Variants in MYO7A observed in about 807,000 individuals in gnomAD.
MYO7A encodes the protein myosin VIIA.
Under a neutral mutation model 263.8 loss-of-function variants are expected in MYO7A, and 210 were observed. The observed-to-expected ratio is 0.80, with a 90% CI of 0.71 to 0.89. MYO7A has a LOEUF of 0.89. MYO7A is among the 40% of genes least tolerant of loss of function. MYO7A has a pLI of 0.00. For synonymous variants in MYO7A, 1,239 were observed against 1,197.3 expected (o/e 1.03, Z -0.72); for missense variants, 2,820 against 2,968.3 (o/e 0.95, Z 1.16).
At chr11:77,146,129 G>A (rs565080956) in intron 3 of MYO7A, among the ~76,000 whole-genome samples, 3 of 152,328 alleles carry the variant, frequency 2.0e-5, no homozygotes, top group South Asian at 4.1e-4. Flanking sequence ...GGAAACCTCC[G>A]AGCCAAGCCT....
At position 77,162,282 on chromosome 11, in the gene MYO7A, G is replaced by T. The variant is rs181126043; in HGVS notation, c.1506G>T (p.Lys502Asn). The T allele has an allele frequency of 3.2e-6, 5 of 1,553,198 alleles. No homozygotes were observed. The Admixed American group carries it at 9.8e-5, about 30-fold the overall frequency. Residue 502 changes from lysine to asparagine, a missense_variant, in exon 13 of 49, where the codon AAG (lysine) becomes AAT (asparagine). Coordinates refer to ENST00000409709, the MANE Select transcript of MYO7A (RefSeq NM_000260.4). ...NQDALDMIANKPMNIISLIDE... is the reference protein window; with the variant it reads ...NQDALDMIANNPMNIISLIDE... ...ATGCCCTGGACATGATTGCCAACAA[G>T]CCCATGAACATCATCTCCCTCATCG...
chr11:77,179,974 C>G (rs1555083040), intron 21 of MYO7A, 21 bp downstream of exon 21: 1 of 1,510,898 alleles, frequency 6.6e-7, no homozygotes, highest in East Asian at 2.5e-5. Flanking sequence ...AAGTCCATAG[C>G]ACCCACAGCT....
rs782126604 is a variant in MYO7A at position 77,130,626 on chromosome 11, C to T, written c.-9C>T. 11 of 1,613,158 alleles carry T rather than the reference C, an allele frequency of 6.8e-6. No individual in the cohort carries two copies. The highest frequency in any genetic ancestry group is 1.3e-5 in the African/African-American group (1 of 74,934). On this transcript the variant is annotated 5_prime_UTR_variant, in exon 2 of 49. Transcript: ENST00000409709. ...CCCAGTGGGCAGCAGGAGCTCCTGA[C>T]TTGGGACCATGGTGATTCTTCAGCA...
At chr11:77,173,032 C>T (rs141145563) in intron 16 of MYO7A, 147 bp downstream of exon 16, 21 of 1,245,734 alleles carry the variant, frequency 1.7e-5, no homozygotes, top group Middle Eastern at 4.7e-4. Flanking sequence ...CAAAACAAGG[C>T]CCCCTATTTA....
chr11:77,172,867 T>C lies in MYO7A; in HGVS notation c.1917T>C (p.Asn639=), dbSNP rs1954252148. ...QPFFVRCIKP[N]EFKKPMLFDR... ...TCTTTGTGCGATGCATCAAGCCCAATGAGTTCAAGAAGCCCATGGTGAGTG... is the reference window on the plus strand; with the variant it reads ...TCTTTGTGCGATGCATCAAGCCCAACGAGTTCAAGAAGCCCATGGTGAGTG... The change falls in exon 16 of 49, where the codon AAT becomes AAC. Residue 639 remains asparagine, a synonymous_variant. Coordinates refer to ENST00000409709, the MANE Select transcript of MYO7A (RefSeq NM_000260.4). The C allele has an allele frequency of 6.4e-7, 1 of 1,551,928 alleles. No homozygotes were observed.
chr11:77,128,941 T>TG (rs1417746231), intron 1 of MYO7A, among the ~76,000 whole-genome samples: 15 of 152,160 alleles, frequency 9.9e-5, no homozygotes, highest in African/African-American at 3.4e-4. Context: ...AGGGTTGTAG[T>TG]GGGGAAGAGG....
rs111033187 is a variant in MYO7A at position 77,156,011 on chromosome 11, GC to G, written c.397del (p.His133ThrfsTer13). On this transcript the variant is annotated frameshift_variant, in exon 5 of 49. Coordinates refer to ENST00000409709, the MANE Select transcript of MYO7A (RefSeq NM_000260.4). LOFTEE classifies it high-confidence loss of function. ...QYTNKKIGEM[P>X]PHIFAIADNC... ...ATACCAACAAGAAGATTGGGGAGAT[GC>G]CCCCCCACATCTTTGCCATTGCTGA... The G allele has an allele frequency of 6.2e-7, 1 of 1,613,574 alleles. No homozygotes were observed. The highest frequency in any genetic ancestry group is 8.5e-7 in the Non-Finnish European group (1 of 1,179,810).
In MYO7A at chr11:77,202,418, A is replaced by G. The variant is rs1174776498; in HGVS notation, c.5162A>G (p.Tyr1721Cys). Residue 1721 changes from tyrosine (Y) to cysteine (C), a missense_variant, in exon 37 of 49, where the codon TAC (tyrosine) becomes TGC (cysteine). By Grantham distance (194) the Tyr-to-Cys change is radical. Transcript: ENST00000409709. ...PYTLEEFSYD[Y>C]FRPPPKHTLS... ...ACGCTGGAGGAGTTTTCCTATGACT[A>G]CTTCAGGTGATGCCTCCTGGGGAAG... The G allele has an allele frequency of 5.2e-6, 8 of 1,551,160 alleles. No homozygotes were observed. The African/African-American group carries it at 5.5e-5, about 11-fold the overall frequency.
intron 17 of MYO7A, 99 bp from the exon 18 acceptor site, chr11:77,175,273 A>G (rs891156043): frequency 4.5e-6 from 5 of 1,108,378 alleles, no homozygotes; most frequent in African/African-American, 1.5e-5. Context: ...TCAGGGGCAG[A>G]GCTCGGGAAG....
intron 31 of MYO7A, among the ~76,000 whole-genome samples, chr11:77,192,893 T>C (rs1238754683): frequency 4.2e-5 from 6 of 142,192 alleles, no homozygotes; most frequent in East Asian, 4.2e-4. Flanking sequence ...GAGGAGGTAG[T>C]GATGGTGTTG....
In MYO7A at chr11:77,156,798, G is replaced by T; in HGVS notation, c.592+17G>T. 2 of 1,613,984 alleles carry T rather than the reference G, an allele frequency of 1.2e-6. No homozygotes were observed. The highest frequency in any genetic ancestry group is 1.7e-6 in the Non-Finnish European group (2 of 1,179,864). On this transcript the variant is annotated intron_variant, in intron 6 of 48. Transcript: ENST00000409709. ...TTCTGGAAGGTAGGACCAGAGTTCC[G>T]AGGGTGGGACCAGGCAGTGGGGCGG...
At chr11:77,192,930 T>TG (rs1956238497) in intron 31 of MYO7A, among the ~76,000 whole-genome samples, 6 of 4,820 alleles carry the variant, frequency 1.2e-3, no homozygotes, top group African/African-American at 3.8e-3. Flanking sequence ...GTGATGGTGT[T>TG]GTTTGTGATG....
chr11:77,149,621 C>T (rs528330107), intron 4 of MYO7A, among the ~76,000 whole-genome samples: 243 of 152,266 alleles, frequency 1.6e-3, no homozygotes, highest in African/African-American at 5.3e-3. Flanking sequence ...CCTGGAATTA[C>T]GGCCCTTCAG....
chr11:77,199,623 C>A lies in MYO7A; in HGVS notation c.4657C>A (p.Pro1553Thr), dbSNP rs1314279997. ...SGWAGLTPAGPCSPCWSCRGA... is the reference protein window; with the variant it reads ...SGWAGLTPAGTCSPCWSCRGA... ...CTGGGCAGGACTGACCCCGGCGGGGCCCTGTTCTCCGTGTTGGTCCTGCAG... is the reference window on the plus strand; with the variant it reads ...CTGGGCAGGACTGACCCCGGCGGGGACCTGTTCTCCGTGTTGGTCCTGCAG... Residue 1553 changes from proline (P) to threonine (T), a missense_variant, in exon 35 of 49, where the codon CCC becomes ACC. Transcript: ENST00000409709. 6.2e-7 allele frequency: 1 copy of A among 1,607,796 alleles called. No individual in the cohort carries two copies. The highest frequency in any genetic ancestry group is 8.5e-7 in the Non-Finnish European group (1 of 1,177,824).
At chr11:77,187,551 G>A (rs983877377) in intron 27 of MYO7A, among the ~76,000 whole-genome samples, 5 of 152,102 alleles carry the variant, frequency 3.3e-5, no homozygotes, top group African/African-American at 9.7e-5. Context: ...CTAGGCCCAC[G>A]GTTAAGGTTA....
chr11:77,214,042 C>T, intron 48 of MYO7A, 63 bp downstream of exon 48: 2 of 1,605,982 alleles, frequency 1.2e-6, no homozygotes, highest in Non-Finnish European at 1.7e-6. Context: ...AGCCAGCCTC[C>T]CAGGGCCTGG....
rs34477144 is a variant in MYO7A, at chr11:77,156,699, G to A, written c.510G>A (p.Leu170=). 2,828 of 1,614,014 alleles carry A rather than the reference G, an allele frequency of 1.8e-3. 23 individuals carry two copies. In the Middle Eastern group the frequency reaches 0.035, roughly 20 times the overall value. ...CCGGGAAGACGGAGAGCACAAAGCT[G>A]ATCCTGCAGTTCCTGGCAGCCATCA... is the stretch of plus-strand genomic sequence containing the variant. ...SGAGKTESTK[L]ILQFLAAISG... is the part of the protein sequence containing the mutation. The change falls in exon 6 of 49, where the codon CTG becomes CTA. Residue 170 remains leucine (L), a synonymous_variant. Transcript: ENST00000409709.
chr11:77,181,991 T>C lies in MYO7A; in HGVS notation c.2945T>C (p.Leu982Pro), dbSNP rs1197258252. The stretch of plus-strand genomic sequence containing the variant: ...CGGAGGGAGATGGTGGAGGAGGACC[T>C]GGATGCAGCCCTGCCCCTGCCTGAC... ...RGRREMVEED[L>P]DAALPLPDED... The change falls in exon 24 of 49, where the codon CTG (leucine) becomes CCG (proline). Residue 982 changes from leucine to proline, a missense_variant. Leu to Pro is a moderately conservative substitution (Grantham distance 98). Coordinates refer to ENST00000409709, the MANE Select transcript of MYO7A (RefSeq NM_000260.4). 1.9e-6 allele frequency: 3 copies of C among 1,613,136 alleles called. No homozygotes were observed. In the African/African-American group the frequency reaches 4.0e-5, roughly 22 times the overall value.
At chr11:77,177,454 T>C in intron 18 of MYO7A, 95 bp from the exon 19 acceptor site, 1 of 997,914 alleles carries the variant, frequency 1.0e-6, no homozygotes, top group Non-Finnish European at 1.5e-6. Context: ...TCTTGACCTG[T>C]GCTCCCAGTG....
Sources: allele counts gnomAD v4.1 joint callset (sites outside exome capture counted in the v4.1 genomes callset), GRCh38; gene constraint gnomAD v4.1.1; transcripts MANE v1.5; gene names NCBI Gene and HGNC (gene_info 2026-07-23, HGNC 2026-07-21).